Variants in GRID2 observed in about 807,000 individuals in gnomAD.
GRID2 encodes glutamate ionotropic receptor delta type subunit 2, also known as glutamate receptor ionotropic, delta-2.
Under a neutral mutation model 114.8 loss-of-function variants are expected in GRID2, and 33 were observed. The observed-to-expected ratio is 0.29, with a 90% confidence interval of 0.22 to 0.38. The LOEUF is 0.38. Among genes scored for constraint, GRID2 ranks in the 10% least tolerant of loss-of-function variants. The pLI, the probability that GRID2 is intolerant of heterozygous loss-of-function variation, is 1.00. For missense variants in GRID2, 1,184 were observed against 1,257.7 expected (o/e 0.94, Z 0.89); for synonymous variants, 505 against 449.9 (o/e 1.12, Z -1.55).
chr4:93,376,393 G>A (rs1763385545), intron 8 of GRID2, among the ~76,000 whole-genome samples: 1 of 152,024 alleles, frequency 6.6e-6, no homozygotes, highest in African/African-American at 2.4e-5. Flanking sequence ...CACAGAGCAA[G>A]ATGTGGATAT....
At chr4:92,866,111 T>C (rs1214804645) in intron 2 of GRID2, among the ~76,000 whole-genome samples, 1 of 152,232 alleles carries the variant, frequency 6.6e-6, no homozygotes, top group African/African-American at 2.4e-5. Context: ...CGGCACCCTG[T>C]GAATGATACT....
chr4:92,510,424 A>C lies in GRID2; in HGVS notation c.89-79707A>C, dbSNP rs542159318. Among the ~76,000 whole-genome samples, 296 of 152,026 alleles carry C rather than the reference A, an allele frequency of 1.9e-3. 4 individuals carry two copies. Among genetic ancestry groups the C allele is most frequent in the Non-Finnish European group, 3.2e-3 (215 of 67,914 alleles). On this transcript the variant is annotated intron_variant, in intron 1 of 15. Transcript: ENST00000282020. ...CACATAACCCTGAAATACACATTGCAGGCTAAGAAGTGTCCAGGCTAGAGG... is the reference window on the plus strand; with the variant it reads ...CACATAACCCTGAAATACACATTGCCGGCTAAGAAGTGTCCAGGCTAGAGG...
At chr4:92,627,383 T>C (rs1285736507) in intron 2 of GRID2, among the ~76,000 whole-genome samples, 1 of 152,118 alleles carries the variant, frequency 6.6e-6, no homozygotes, top group African/African-American at 2.4e-5. Context: ...GTTGGTTCGC[T>C]GAACAAAAAC....
intron 6 of GRID2, among the ~76,000 whole-genome samples, chr4:93,224,015 T>A (rs1255180907): frequency 6.6e-6 from 1 of 152,142 alleles, no homozygotes; most frequent in Non-Finnish European, 1.5e-5. Context: ...AATCAATGAA[T>A]TGTAATGCAT....
rs1560565572 is a variant in GRID2 at position 92,740,731 on chromosome 4, GATAGATA to G, written c.244+150446_244+150452del. Among the ~76,000 whole-genome samples the G allele has an allele frequency of 1.8e-3, 267 of 145,630 alleles. 1 individual carries two copies. The highest frequency in any genetic ancestry group is 6.9e-3 in the African/African-American group (254 of 37,070). The stretch of plus-strand genomic sequence containing the variant: ...AGATAGATAGATAGATAGATAGATA[GATAGATA>G]GATGGATAGATAGATAGACAGATAG... On this transcript the variant is annotated intron_variant, in intron 2 of 15. Transcript: ENST00000282020.
chr4:92,428,360 T>C (rs887014345), intron 1 of GRID2, among the ~76,000 whole-genome samples: 6 of 152,140 alleles, frequency 3.9e-5, no homozygotes, highest in African/African-American at 1.4e-4. Context: ...TTGTAAGAAA[T>C]TCATCTTTAA....
At chr4:92,867,196 C>T (rs576565307) in intron 2 of GRID2, among the ~76,000 whole-genome samples, 26 of 151,752 alleles carry the variant, frequency 1.7e-4, no homozygotes, top group Admixed American at 2.6e-4. Context: ...TTGGTTATTG[C>T]GCTGCAATAA....
chr4:92,660,570 A>G (rs952141561), intron 2 of GRID2, among the ~76,000 whole-genome samples: 1 of 151,270 alleles, frequency 6.6e-6, no homozygotes, highest in Non-Finnish European at 1.5e-5. Flanking sequence ...TACGTTTTAT[A>G]CTTCTAGAAC....
At chr4:93,368,081 A>T (rs1255999779) in intron 8 of GRID2, among the ~76,000 whole-genome samples, 1 of 152,156 alleles carries the variant, frequency 6.6e-6, no homozygotes, top group Non-Finnish European at 1.5e-5. Context: ...AAGACCTTCA[A>T]ACTACAGAAT....
chr4:93,740,370 C>T (rs1415260900), intron 14 of GRID2, among the ~76,000 whole-genome samples: 1 of 152,196 alleles, frequency 6.6e-6, no homozygotes, highest in Admixed American at 6.5e-5. Context: ...GCAGCAACCT[C>T]ACGTTCCAAT....
chr4:92,602,264 A>C (rs892294871), intron 2 of GRID2, among the ~76,000 whole-genome samples: 1 of 152,040 alleles, frequency 6.6e-6, no homozygotes, highest in Non-Finnish European at 1.5e-5. Context: ...AAAAAGCTTC[A>C]GGCCAGTATC....
intron 8 of GRID2, among the ~76,000 whole-genome samples, chr4:93,324,365 TG>T (rs548546621): frequency 3.5e-4 from 53 of 152,342 alleles, no homozygotes; most frequent in Admixed American, 2.7e-3. Flanking sequence ...GATTTGAGTG[TG>T]TTGAACTAGC....
chr4:93,771,792 A>G (rs1212880338), intron 15 of GRID2, among the ~76,000 whole-genome samples: 1 of 152,162 alleles, frequency 6.6e-6, no homozygotes, highest in African/African-American at 2.4e-5. Flanking sequence ...TAGAATGGCA[A>G]TCACCCATCA....
chr4:93,250,169 A>C lies in GRID2; in HGVS notation c.1245+11679A>C, dbSNP rs574488722. Among the ~76,000 whole-genome samples, 21 of 152,326 alleles carry C rather than the reference A, an allele frequency of 1.4e-4. 1 individual carries two copies. The Middle Eastern group carries it at 0.02, about 148-fold the overall frequency. On this transcript the variant is annotated intron_variant, in intron 8 of 15. Coordinates refer to ENST00000282020, the MANE Select transcript of GRID2 (RefSeq NM_001510.4). ...ACCATGCAATACTATGCAGCCATAA[A>C]AAAGGATGAGTTCACGTCCTTTGTA...
intron 2 of GRID2, among the ~76,000 whole-genome samples, chr4:93,042,536 T>C (rs1281655729): frequency 4.1e-5 from 6 of 147,586 alleles, no homozygotes; most frequent in Non-Finnish European, 8.9e-5. Flanking sequence ...TTATATCTAA[T>C]AGAGAGAATC....
intron 2 of GRID2, among the ~76,000 whole-genome samples, chr4:92,678,826 A>G (rs564617266): frequency 1.3e-5 from 2 of 152,034 alleles, no homozygotes; most frequent in Admixed American, 6.6e-5. Flanking sequence ...GTTCTAATCA[A>G]TGCACTACAA....
chr4:93,296,749 G>T (rs949208344), intron 8 of GRID2, among the ~76,000 whole-genome samples: 2 of 152,296 alleles, frequency 1.3e-5, no homozygotes, highest in African/African-American at 4.8e-5. Context: ...AATCTGACCA[G>T]CAAGAGATAG....
chr4:92,678,816 G>A (rs1225176880), intron 2 of GRID2, among the ~76,000 whole-genome samples: 1 of 151,806 alleles, frequency 6.6e-6, no homozygotes, highest in Non-Finnish European at 1.5e-5. Context: ...ATTTTATTCA[G>A]TTCTAATCAA....
intron 4 of GRID2, among the ~76,000 whole-genome samples, chr4:93,112,659 T>C (rs951031056): frequency 2.0e-5 from 3 of 152,176 alleles, no homozygotes; most frequent in Admixed American, 2.0e-4. Flanking sequence ...AGTGTATTCC[T>C]TTGCTAGAGC....
Sources: allele counts gnomAD v4.1 joint callset (sites outside exome capture counted in the v4.1 genomes callset), GRCh38; gene constraint gnomAD v4.1.1; transcripts MANE v1.5; gene names NCBI Gene and HGNC (gene_info 2026-07-23, HGNC 2026-07-21).